Variants in DRICH1 observed in about 807,000 individuals in gnomAD.
DRICH1 encodes the protein aspartate rich 1.
DRICH1 carries 38 observed loss-of-function variants against 39.5 expected under a neutral mutation model. The observed-to-expected ratio is 0.96, with a 90% CI of 0.74 to 1.26. The LOEUF is 1.26. Ranked by LOEUF, DRICH1 falls within the 50% of genes most tolerant of loss-of-function variation. The pLI is 0.00. For synonymous variants in DRICH1, 84 were observed against 99.5 expected, an observed-to-expected ratio of 0.84 and a Z score of 0.93; for missense variants, 279 against 270.4, an observed-to-expected ratio of 1.03 and a Z score of -0.22.
chr22:23,631,895 A>G lies in DRICH1; in HGVS notation c.129T>C (p.Thr43=), dbSNP rs763496253. The G allele has an allele frequency of 2.0e-5, 33 of 1,613,246 alleles. No homozygotes were observed. Among genetic ancestry groups the G allele is most frequent in the South Asian group, 9.9e-5 (9 of 91,046 alleles). Residue 43 remains threonine (T), a synonymous_variant, in exon 1 of 12, where the codon ACT becomes ACC. Transcript: ENST00000317749. The stretch of plus-strand genomic sequence containing the variant: ...CCACATCCAGCTTGCCAGGCTCTAC[A>G]GTAGTGGATTCTGATGTTGCAGCAG... ...TVAAATSEST[T]VEPGKLDVGA... is the part of the protein sequence containing the mutation.
chr22:23,618,412 C>G (rs1927507203), intron 6 of DRICH1, among the ~76,000 whole-genome samples: 1 of 151,578 alleles, frequency 6.6e-6, no homozygotes, highest in African/African-American at 2.4e-5. Context: ...CCGCACCCAG[C>G]TGATCACAAT....
chr22:23,612,808 AGAAACATGAATGTGCACTAACAAGTCCT>A (rs1927119632), intron 11 of DRICH1, among the ~76,000 whole-genome samples: 1 of 152,200 alleles, frequency 6.6e-6, no homozygotes, highest in South Asian at 2.1e-4. Context: ...CAGTGAGGAC[AGAAACATGAATGTGCACTAACAAGTCCT>A]GAAAGTTCAG....
intron 1 of DRICH1, 128 bp from the exon 2 acceptor site, chr22:23,626,176 T>A: frequency 3.0e-6 from 2 of 667,774 alleles, no homozygotes; most frequent in South Asian, 3.6e-5. Flanking sequence ...GAGAAACAAC[T>A]GTGTTCAAGT....
the DRICH1 span, among the ~76,000 whole-genome samples, chr22:23,601,691 C>T: frequency 0.036 from 5,522 of 152,228 alleles, 108 homozygotes; most frequent in African/African-American, 0.042. Flanking sequence ...AAGGTGCTAC[C>T]GTTGAGGGAA....
Position 23,617,582 on chromosome 22 carries a change from T to C in DRICH1, c.512A>G (p.Asp171Gly). ...AAAGAAAGGTTGTCTTACCTGGGCATCATCATCATCATCATCACAGTCATC... is the reference window on the plus strand; with the variant it reads ...AAAGAAAGGTTGTCTTACCTGGGCACCATCATCATCATCATCACAGTCATC... ...EDDDCDDDDD[D>G]AQILPSPVQA... Residue 171 changes from aspartate to glycine, a missense_variant, in exon 7 of 12, where the codon GAT becomes GGT. Asp to Gly is a moderately conservative substitution (Grantham distance 94). Coordinates refer to ENST00000317749, the MANE Select transcript of DRICH1 (RefSeq NM_016449.4). The C allele has an allele frequency of 6.3e-7, 1 of 1,580,148 alleles. No individual in the cohort carries two copies. The highest frequency in any genetic ancestry group is 8.7e-7 in the Non-Finnish European group (1 of 1,155,866).
At chr22:23,630,720 T>C (rs992825089) in intron 1 of DRICH1, 1 of 152,140 alleles carries the variant, frequency 6.6e-6, no homozygotes, top group African/African-American at 2.4e-5. Flanking sequence ...CAAACCCACA[T>C]CATCTAAATG....
chr22:23,631,950 T>A lies in DRICH1; in HGVS notation c.74A>T (p.Glu25Val). The A allele has an allele frequency of 6.2e-7, 1 of 1,613,774 alleles. No homozygotes were observed. The highest frequency in any genetic ancestry group is 8.5e-7 in the Non-Finnish European group (1 of 1,180,026). ...AGTCTCATAAATATCAGTATCAGATTCATAACAGGGTGCGTCCTTCCCCCT... is the reference window on the plus strand; with the variant it reads ...AGTCTCATAAATATCAGTATCAGATACATAACAGGGTGCGTCCTTCCCCCT... ...WPRGKDAPCY[E>V]SDTDIYETVA... The change falls in exon 1 of 12, where the codon GAA (glutamate) becomes GTA (valine). Residue 25 changes from glutamate to valine, a missense_variant. By Grantham distance (121) the Glu-to-Val change is moderately radical. Coordinates refer to ENST00000317749, the MANE Select transcript of DRICH1 (RefSeq NM_016449.4).
At chr22:23,597,495 C>A in the DRICH1 span, among the ~76,000 whole-genome samples, 1 of 105,290 alleles carries the variant, frequency 9.5e-6, no homozygotes, top group Non-Finnish European at 1.9e-5. Flanking sequence ...AGAAGGAGAC[C>A]CTGTCTCAAA....
At chr22:23,591,542 T>G in the DRICH1 span, among the ~76,000 whole-genome samples, 1 of 152,106 alleles carries the variant, frequency 6.6e-6, no homozygotes, top group Non-Finnish European at 1.5e-5. Flanking sequence ...CGCTTCCCAC[T>G]TCACTTCTAT....
intron 1 of DRICH1, among the ~76,000 whole-genome samples, chr22:23,629,394 T>C (rs991150646): frequency 1.3e-5 from 2 of 152,162 alleles, no homozygotes; most frequent in African/African-American, 4.8e-5. Flanking sequence ...TGGCTGCTCA[T>C]GCTCACACCA....
downstream of DRICH1, among the ~76,000 whole-genome samples, chr22:23,605,099 T>C (rs1329897815): frequency 6.6e-6 from 1 of 152,196 alleles, no homozygotes; most frequent in Non-Finnish European, 1.5e-5. Context: ...CAGCAGGACC[T>C]GACTATGAGG....
intron 11 of DRICH1, among the ~76,000 whole-genome samples, chr22:23,609,935 G>C (rs979335688): frequency 2.0e-5 from 3 of 151,970 alleles, no homozygotes; most frequent in Admixed American, 2.0e-4. Flanking sequence ...TCCCCTCCCT[G>C]GGCATCCTCC....
intron 6 of DRICH1, among the ~76,000 whole-genome samples, chr22:23,617,871 C>T (rs911261678): frequency 7.9e-5 from 12 of 152,162 alleles, no homozygotes; most frequent in African/African-American, 2.9e-4. Context: ...AAACAGTCAA[C>T]CCCAAATGGA....
intron 5 of DRICH1, among the ~76,000 whole-genome samples, 166 bp from the exon 6 acceptor site, chr22:23,619,559 T>C (rs1047470166): frequency 6.8e-5 from 6 of 87,620 alleles, no homozygotes; most frequent in African/African-American, 1.0e-4. Context: ...CATGGAGGTA[T>C]CACAGATATA....
At chr22:23,621,936 GAAAAGAAAAGAA>G (rs1927762494) in intron 4 of DRICH1, among the ~76,000 whole-genome samples, 143 bp downstream of exon 4, 1 of 151,846 alleles carries the variant, frequency 6.6e-6, no homozygotes, top group South Asian at 2.1e-4. Context: ...AACAAAAAAA[GAAAAGAAAAGAA>G]AAAAGAAACA....
intron 3 of DRICH1, among the ~76,000 whole-genome samples, chr22:23,623,055 C>T (rs1927856814): frequency 6.6e-6 from 1 of 152,086 alleles, no homozygotes; most frequent in Non-Finnish European, 1.5e-5. Context: ...GGTTAACTAG[C>T]TTACATAAAT....
downstream of DRICH1, among the ~76,000 whole-genome samples, chr22:23,607,721 A>G (rs1926817148): frequency 6.6e-6 from 1 of 152,070 alleles, no homozygotes; most frequent in Non-Finnish European, 1.5e-5. Flanking sequence ...GTCCCTTTCC[A>G]TGGGATCAGG....
chr22:23,589,279 T>C, the DRICH1 span, among the ~76,000 whole-genome samples: 1 of 152,050 alleles, frequency 6.6e-6, no homozygotes, highest in South Asian at 2.1e-4. Flanking sequence ...GGTGAAACTT[T>C]GTCTCTACAA....
the DRICH1 span, among the ~76,000 whole-genome samples, chr22:23,582,868 ATATTAT>A: frequency 6.6e-6 from 1 of 152,078 alleles, no homozygotes; most frequent in Non-Finnish European, 1.5e-5. Context: ...GCCAATTATC[ATATTAT>A]TATTATTACC....
Sources: allele counts gnomAD v4.1 joint callset (sites outside exome capture counted in the v4.1 genomes callset), GRCh38; gene constraint gnomAD v4.1.1; transcripts MANE v1.5; gene names NCBI Gene and HGNC (gene_info 2026-07-23, HGNC 2026-07-21).